Variants in MAPRE1 observed in about 807,000 individuals in gnomAD.
The protein encoded by MAPRE1 is microtubule associated protein RP/EB family member 1.
A neutral mutation model predicts 32.1 loss-of-function variants in MAPRE1; 5 were observed. The ratio of observed to expected loss-of-function variants is 0.16; its 90% confidence interval spans 0.08 to 0.33. MAPRE1 has a LOEUF of 0.33. Among genes scored for constraint, MAPRE1 ranks in the 10% least tolerant of loss-of-function variants. The pLI, the probability that MAPRE1 is intolerant of heterozygous loss-of-function variation, is 1.00. For missense variants in MAPRE1, 209 were observed against 327.2 expected (o/e 0.64, Z 2.79); for synonymous variants, 122 against 118.9 (o/e 1.03, Z -0.17).
At chr20:32,826,482 C>T (rs1487968801) in intron 2 of MAPRE1, among the ~76,000 whole-genome samples, 7 of 137,034 alleles carry the variant, frequency 5.1e-5, no homozygotes, top group Non-Finnish European at 1.1e-4. Flanking sequence ...GGTCTCCCAA[C>T]GTGCTGAGAT....
chr20:32,845,986 C>G (rs916748298), intron 5 of MAPRE1, among the ~76,000 whole-genome samples: 3 of 152,184 alleles, frequency 2.0e-5, no homozygotes, highest in African/African-American at 7.2e-5. Flanking sequence ...ATGGAATTCA[C>G]TTGTCATAGA....
chr20:32,843,535 G>A (rs1983421298), intron 5 of MAPRE1: 1 of 152,106 alleles, frequency 6.6e-6, no homozygotes, highest in Admixed American at 6.6e-5. Context: ...AAAGAAATAG[G>A]TAAAATTAAT....
At chr20:32,836,244 C>G (rs1983197809) in intron 3 of MAPRE1, among the ~76,000 whole-genome samples, 1 of 152,230 alleles carries the variant, frequency 6.6e-6, no homozygotes, top group Non-Finnish European at 1.5e-5. Flanking sequence ...CTGTGCCTGG[C>G]CTGTGCAGTG....
chr20:32,833,958 T>A, intron 3 of MAPRE1, 96 bp downstream of exon 3: 1 of 1,249,446 alleles, frequency 8.0e-7, no homozygotes, highest in South Asian at 1.8e-5. Flanking sequence ...TTTTCTTTTT[T>A]TTCTTAATTT....
intron 1 of MAPRE1, among the ~76,000 whole-genome samples, chr20:32,823,461 A>G (rs1303406601): frequency 6.6e-6 from 1 of 152,246 alleles, no homozygotes; most frequent in Non-Finnish European, 1.5e-5. Context: ...CTGGTATTTC[A>G]TAGTGTGTCC....
chr20:32,841,776 G>T (rs1307601719), intron 5 of MAPRE1, among the ~76,000 whole-genome samples: 1 of 152,052 alleles, frequency 6.6e-6, no homozygotes, highest in East Asian at 1.9e-4. Context: ...CTTCTATCTG[G>T]ACAAGTCAGC....
chr20:32,846,453 A>G (rs1645832943), intron 5 of MAPRE1, among the ~76,000 whole-genome samples, 165 bp from the exon 6 acceptor site: 2 of 152,168 alleles, frequency 1.3e-5, no homozygotes, highest in South Asian at 4.1e-4. Flanking sequence ...AAACAAATCC[A>G]TGTTGTTTAT....
chr20:32,839,435 T>C (rs1241095782), intron 4 of MAPRE1, among the ~76,000 whole-genome samples: 5 of 152,242 alleles, frequency 3.3e-5, no homozygotes. Context: ...AGAATGACTG[T>C]ACCCCTTTCA....
At chr20:32,835,665 G>A (rs1285681194) in intron 3 of MAPRE1, among the ~76,000 whole-genome samples, 1 of 151,522 alleles carries the variant, frequency 6.6e-6, no homozygotes, top group Non-Finnish European at 1.5e-5. Context: ...GAGTGCAGTG[G>A]TGCAATCTCA....
chr20:32,829,185 T>TACAG (rs1048255342), intron 2 of MAPRE1, among the ~76,000 whole-genome samples: 3 of 152,182 alleles, frequency 2.0e-5, no homozygotes, highest in Non-Finnish European at 4.4e-5. Context: ...GTGCTAGGAT[T>TACAG]ACAGGTGTGA....
At chr20:32,826,132 C>G in intron 2 of MAPRE1, 84 bp downstream of exon 2, 1 of 1,349,998 alleles carries the variant, frequency 7.4e-7, no homozygotes, top group Non-Finnish European at 1.0e-6. Context: ...ACTGCAAAGC[C>G]ACACACAGAG....
At chr20:32,830,570 C>T (rs1982988142) in intron 2 of MAPRE1, among the ~76,000 whole-genome samples, 1 of 152,148 alleles carries the variant, frequency 6.6e-6, no homozygotes, top group Non-Finnish European at 1.5e-5. Context: ...AGATCCAGCC[C>T]CTTCTCAGAT....
intron 2 of MAPRE1, 121 bp from the exon 3 acceptor site, chr20:32,833,596 A>C (rs1601165043): frequency 1.3e-6 from 1 of 779,988 alleles, no homozygotes; most frequent in East Asian, 2.5e-5. Flanking sequence ...AAGTTAGTGA[A>C]GCTTTTGGTT....
At chr20:32,822,113 C>T (rs1420902370) in intron 1 of MAPRE1, among the ~76,000 whole-genome samples, 1 of 152,026 alleles carries the variant, frequency 6.6e-6, no homozygotes, top group Non-Finnish European at 1.5e-5. Context: ...TAATGTACTG[C>T]TAATGAAAGT....
chr20:32,831,362 T>G (rs1278666089), intron 2 of MAPRE1, among the ~76,000 whole-genome samples: 1 of 152,118 alleles, frequency 6.6e-6, no homozygotes, highest in Non-Finnish European at 1.5e-5. Context: ...ATGTAATTGA[T>G]TCTTTCTCTT....
chr20:32,845,722 A>G (rs1374149919), intron 5 of MAPRE1, among the ~76,000 whole-genome samples: 3 of 152,128 alleles, frequency 2.0e-5, no homozygotes, highest in East Asian at 1.9e-4. Flanking sequence ...GGCTCAAGCA[A>G]TTCTCCCGAC....
intron 2 of MAPRE1, among the ~76,000 whole-genome samples, chr20:32,830,396 C>T (rs1267140936): frequency 6.6e-6 from 1 of 152,184 alleles, no homozygotes; most frequent in Non-Finnish European, 1.5e-5. Flanking sequence ...TTTTGCCCTA[C>T]CTGTCATTAC....
chr20:32,825,127 G>A (rs1255762039), intron 1 of MAPRE1, among the ~76,000 whole-genome samples: 1 of 150,310 alleles, frequency 6.7e-6, no homozygotes. Context: ...ACTCCAGTCT[G>A]GGCACCAGAG....
intron 3 of MAPRE1, among the ~76,000 whole-genome samples, chr20:32,835,998 G>C (rs1022967171): frequency 1.3e-5 from 2 of 152,088 alleles, no homozygotes; most frequent in African/African-American, 4.8e-5. Flanking sequence ...GTCTCTCTCT[G>C]TCACCCAGGC....
Sources: gnomAD v4.1 joint callset for allele counts (sites outside exome capture counted in the v4.1 genomes callset) on GRCh38, gnomAD v4.1.1 for gene constraint, MANE v1.5 for transcripts, NCBI Gene and HGNC (gene_info 2026-07-23, HGNC 2026-07-21) for gene names.